Variants in TNNT3 observed in about 807,000 individuals in gnomAD.
TNNT3 encodes the protein troponin T, fast skeletal muscle.
A neutral mutation model predicts 54.2 loss-of-function variants in TNNT3; 36 were observed. The observed-to-expected ratio is 0.66, with a 90% CI of 0.51 to 0.88. TNNT3 has a LOEUF of 0.88. Ranked by LOEUF, TNNT3 falls within the 40% of genes least tolerant of loss-of-function variation. The pLI is 0.00. For synonymous variants in TNNT3, 120 were observed against 109.7 expected (o/e 1.09, Z -0.59); for missense variants, 291 against 331.6 (o/e 0.88, Z 0.95).
At chr11:1,920,730 AT>A (rs1849914091) in intron 1 of TNNT3, among the ~76,000 whole-genome samples, 1 of 152,092 alleles carries the variant, frequency 6.6e-6, no homozygotes, top group Non-Finnish European at 1.5e-5. Flanking sequence ...CGCATAGGTT[AT>A]TTTCACGCAG....
At position 1,933,828 on chromosome 11, in the gene TNNT3, A is replaced by C; in HGVS notation, c.279A>C (p.Lys93Asn). The C allele has an allele frequency of 6.2e-7, 1 of 1,612,726 alleles. No individual in the cohort carries two copies. The highest frequency in any genetic ancestry group is 1.1e-5 in the South Asian group (1 of 91,082). The stretch of plus-strand genomic sequence containing the variant: ...AGGAGGAGGAGCTGGTCGCTCTCAA[A>C]GAGAGAATCGTGAGTGGGGCAGTTC... The part of the protein sequence containing the change: ...KKEEEELVAL[K>N]ERIEKRRAER... The change falls in exon 10 of 16, where the codon AAA becomes AAC. Residue 93 changes from lysine (K) to asparagine (N), a missense_variant. Transcript: ENST00000278317.
chr11:1,935,551 G>C (rs976691749), intron 14 of TNNT3: 1 of 175,074 alleles, frequency 5.7e-6, no homozygotes, highest in Non-Finnish European at 1.2e-5. Context: ...CGGCCTCAGG[G>C]ACTGGGGTAC....
intron 1 of TNNT3, among the ~76,000 whole-genome samples, chr11:1,920,637 C>T (rs76458215): frequency 0.026 from 3,969 of 152,232 alleles, 92 homozygotes; most frequent in South Asian, 0.11. Context: ...CAAGGGGCAG[C>T]GGCTTTTGCC....
At chr11:1,935,220 T>C (rs1854621451) in intron 14 of TNNT3, 1 of 498,790 alleles carries the variant, frequency 2.0e-6, no homozygotes, top group African/African-American at 1.9e-5. Context: ...CATGGCCAAG[T>C]GGACTCAGGG....
chr11:1,931,000 G>A (rs1716632953), intron 8 of TNNT3, among the ~76,000 whole-genome samples: 1 of 152,012 alleles, frequency 6.6e-6, no homozygotes, highest in Non-Finnish European at 1.5e-5. Flanking sequence ...TCCATGCATA[G>A]CGCTTGGAAA....
At chr11:1,938,409 C>G in intron 15 of TNNT3, 29 bp from the exon 16 acceptor site, 3 of 1,612,696 alleles carry the variant, frequency 1.9e-6, no homozygotes, top group Non-Finnish European at 2.5e-6. Flanking sequence ...GGCCCTGACC[C>G]TGAAGGATCA....
rs11823629 is a variant in TNNT3, at chr11:1,929,417, G to A, written c.106+274G>A. Among the ~76,000 whole-genome samples, 34,614 of 152,082 alleles carry A rather than the reference G, an allele frequency of 0.23. 4,244 individuals are homozygous for A. Among genetic ancestry groups the A allele is most frequent in the African/African-American group, 0.31 (12,971 of 41,474 alleles). ...GGACCAGCCAGCAGTGCCAGAGCCC[G>A]GGCCGGGCACGCCCCCCTCCCCTTT... On this transcript the variant is annotated intron_variant, in intron 7 of 15. Coordinates refer to ENST00000278317, the MANE Select transcript of TNNT3 (RefSeq NM_006757.4).
Position 1,933,986 on chromosome 11 carries a change from G to A in TNNT3, c.344G>A (p.Arg115Lys), listed in dbSNP as rs184995430. The change falls in exon 11 of 16, where the codon AGG becomes AAG. Residue 115 changes from arginine to lysine, a missense_variant. Arg to Lys is a conservative substitution (Grantham distance 26, BLOSUM62 2). Coordinates refer to ENST00000278317, the MANE Select transcript of TNNT3 (RefSeq NM_006757.4). ...CAGAGGATTCGTGCAGAGAAGGAGAGGGAGCGCCAGAACAGACTGGCGGTG... is the reference window on the plus strand; with the variant it reads ...CAGAGGATTCGTGCAGAGAAGGAGAAGGAGCGCCAGAACAGACTGGCGGTG... ...EQQRIRAEKE[R>K]ERQNRLAEEK... 2 of 1,612,492 alleles carry A rather than the reference G, an allele frequency of 1.2e-6. No homozygotes were observed. The highest frequency in any genetic ancestry group is 2.2e-5 in the East Asian group (1 of 44,864).
intron 8 of TNNT3, among the ~76,000 whole-genome samples, chr11:1,932,205 T>C (rs951089692): frequency 1.3e-5 from 2 of 152,204 alleles, no homozygotes; most frequent in African/African-American, 4.8e-5. Flanking sequence ...TGCAGTGACA[T>C]TGCAATGGCC....
chr11:1,921,708 C>T (rs1251944408), intron 1 of TNNT3: 3 of 152,218 alleles, frequency 2.0e-5, no homozygotes, highest in South Asian at 2.1e-4. Context: ...AGCAGTGCAA[C>T]GTAGATGCAT....
intron 11 of TNNT3, 40 bp from the exon 12 acceptor site, chr11:1,934,292 C>G (rs745396824): frequency 5.1e-6 from 8 of 1,579,410 alleles, no homozygotes; most frequent in Admixed American, 1.7e-5. Flanking sequence ...GCATAGCCCT[C>G]TCTCCATCCC....
intron 1 of TNNT3, among the ~76,000 whole-genome samples, chr11:1,921,884 G>T (rs894582842): frequency 6.6e-6 from 1 of 152,230 alleles, no homozygotes; most frequent in Admixed American, 6.5e-5. Context: ...GCCGCCCAGT[G>T]TGCACGGTGG....
chr11:1,923,003 C>T, intron 2 of TNNT3, 45 bp from the exon 3 acceptor site: 4 of 1,613,838 alleles, frequency 2.5e-6, no homozygotes, highest in Non-Finnish European at 3.4e-6. Flanking sequence ...AGCCCAGCCT[C>T]ACTACCTCTC....
intron 14 of TNNT3, 126 bp from the exon 15 acceptor site, chr11:1,936,837 C>T: frequency 5.2e-6 from 5 of 970,788 alleles, no homozygotes; most frequent in Non-Finnish European, 7.9e-6. Flanking sequence ...CCGAGGAGCC[C>T]TCATGGGGGC....
chr11:1,935,371 C>T (rs768078604), intron 14 of TNNT3: 1 of 300,024 alleles, frequency 3.3e-6, no homozygotes, highest in Non-Finnish European at 6.5e-6. Flanking sequence ...TCCACCAGGG[C>T]CCCGGACACC....
At chr11:1,923,994 T>C (rs1395655072) in intron 4 of TNNT3, among the ~76,000 whole-genome samples, 1 of 150,772 alleles carries the variant, frequency 6.6e-6, no homozygotes, top group African/African-American at 2.5e-5. Context: ...CATCTCAGAG[T>C]CTCTCCATCT....
At chr11:1,936,221 A>C in intron 14 of TNNT3, 1 of 1,613,862 alleles carries the variant, frequency 6.2e-7, no homozygotes, top group South Asian at 1.1e-5. Context: ...TAGATCATGA[A>C]TGTCCGGGCC....
chr11:1,935,433 GA>G (rs1313912457), intron 14 of TNNT3: 1 of 228,124 alleles, frequency 4.4e-6, no homozygotes, highest in Non-Finnish European at 8.8e-6. Context: ...CTGTGGCTGG[GA>G]AAAGGGGCCT....
chr11:1,926,507 T>C (rs1851633823), intron 5 of TNNT3, 188 bp from the exon 6 acceptor site: 1 of 1,613,064 alleles, frequency 6.2e-7, no homozygotes, highest in Non-Finnish European at 8.5e-7. Context: ...CGATGCCACA[T>C]GGGCACGTGT....
Sources: gnomAD v4.1 joint callset for allele counts (sites outside exome capture counted in the v4.1 genomes callset) on GRCh38, gnomAD v4.1.1 for gene constraint, MANE v1.5 for transcripts, NCBI Gene and HGNC (gene_info 2026-07-23, HGNC 2026-07-21) for gene names.